NMT2: variants seen among roughly 807,000 people sequenced by gnomAD.
NMT2 encodes glycylpeptide N-tetradecanoyltransferase 2.
In NMT2, 35 loss-of-function variants were observed where a neutral mutation model predicts 65.4. The ratio of observed to expected loss-of-function variants is 0.54; its 90% confidence interval spans 0.41 to 0.71. The LOEUF (loss-of-function observed/expected upper bound fraction) is 0.71, where lower values mean the gene tolerates loss of function less well. NMT2 is among the 30% of genes least tolerant of loss of function. The pLI is 0.00. For synonymous variants in NMT2, 226 were observed against 231.8 expected, an observed-to-expected ratio of 0.98 and a Z score of 0.23; for missense variants, 489 against 611.3, an observed-to-expected ratio of 0.80 and a Z score of 2.11.
chr10:15,156,318 C>T (rs1161086443), intron 1 of NMT2, among the ~76,000 whole-genome samples: 3 of 152,150 alleles, frequency 2.0e-5, no homozygotes, highest in African/African-American at 7.2e-5. Flanking sequence ...ATTCTTCTCT[C>T]TCCTGCCACC....
At position 15,119,396 on chromosome 10, in the gene NMT2, C is replaced by T; in HGVS notation, c.1117G>A (p.Val373Ile). The change falls in exon 9 of 12, where the codon GTA (valine) becomes ATA (isoleucine). Residue 373 changes from valine (V) to isoleucine (I), a missense_variant. Val to Ile is a conservative substitution (Grantham distance 29, BLOSUM62 3). Transcript: ENST00000378165. ...TCCCGGGGGAGGAACCAGTGGGCTA[C>T]TTCCTCTTCATCCATCACTGGAGCC... Reference protein sequence around the residue: ...HLAPVMDEEEVAHWFLPREHI... With the variant: ...HLAPVMDEEEIAHWFLPREHI... 6.2e-7 allele frequency: 1 copy of T among 1,614,178 alleles called. No individual in the cohort carries two copies. The highest frequency in any genetic ancestry group is 1.1e-5 in the South Asian group (1 of 91,078).
chr10:15,136,479 G>A (rs1182238013), intron 2 of NMT2, among the ~76,000 whole-genome samples: 1 of 151,152 alleles, frequency 6.6e-6, no homozygotes, highest in Non-Finnish European at 1.5e-5. Context: ...AGGAAAGGAG[G>A]AAGGAAGGAC....
At chr10:15,161,836 CT>C (rs1184415648) in intron 1 of NMT2, among the ~76,000 whole-genome samples, 1 of 152,024 alleles carries the variant, frequency 6.6e-6, no homozygotes, top group African/African-American at 2.4e-5. Context: ...TCAATTAAAC[CT>C]AGGAAATGAA....
chr10:15,109,299 A>G (rs1845425061), intron 11 of NMT2, 84 bp from the exon 12 acceptor site: 1 of 1,530,216 alleles, frequency 6.5e-7, no homozygotes, highest in Non-Finnish European at 8.8e-7. Flanking sequence ...AAGCTGTCTT[A>G]AGGCTCAGCT....
chr10:15,166,465 CTACTGCGATATCA>C (rs1353130128), intron 1 of NMT2, among the ~76,000 whole-genome samples: 7 of 152,214 alleles, frequency 4.6e-5, no homozygotes, highest in African/African-American at 1.7e-4. Flanking sequence ...ACCTAGGTTT[CTACTGCGATATCA>C]TCAGTACATG....
At chr10:15,114,148 A>C (rs982111976) in intron 9 of NMT2, among the ~76,000 whole-genome samples, 2 of 152,228 alleles carry the variant, frequency 1.3e-5, no homozygotes, top group African/African-American at 4.8e-5. Flanking sequence ...TTAGCAGCTC[A>C]GTATTGGAGA....
At position 15,130,983 on chromosome 10, in the gene NMT2, T is replaced by A. The variant is rs150851404; in HGVS notation, c.720-671A>T. Among the ~76,000 whole-genome samples, 497 of 151,932 alleles carry A rather than the reference T, an allele frequency of 3.3e-3. 7 individuals are homozygous for A. The East Asian group carries it at 0.061, about 19-fold the overall frequency. On this transcript the variant is annotated intron_variant, in intron 6 of 11. Coordinates refer to ENST00000378165, the MANE Select transcript of NMT2 (RefSeq NM_004808.3). The stretch of plus-strand genomic sequence containing the variant: ...TTTTGTATTTTTAGTAAAGACAGGG[T>A]TTCACCATGTTGGCTACGCTGGTCT...
chr10:15,114,446 A>G (rs1845677816), intron 9 of NMT2, among the ~76,000 whole-genome samples: 2 of 152,106 alleles, frequency 1.3e-5, no homozygotes. Context: ...CTGATAAAAA[A>G]CAAAACAAAA....
At chr10:15,155,847 T>G (rs1035996944) in intron 1 of NMT2, among the ~76,000 whole-genome samples, 3 of 152,100 alleles carry the variant, frequency 2.0e-5, no homozygotes, top group South Asian at 2.1e-4. Context: ...AAGGGTCACT[T>G]GACCACAAGC....
chr10:15,111,019 C>T (rs1356452915), intron 10 of NMT2, among the ~76,000 whole-genome samples: 5 of 151,874 alleles, frequency 3.3e-5, no homozygotes, highest in Admixed American at 6.6e-5. Flanking sequence ...TCTTGAACTC[C>T]GACCTCAAGT....
chr10:15,114,104 G>T (rs1483402690), intron 9 of NMT2, among the ~76,000 whole-genome samples: 2 of 152,140 alleles, frequency 1.3e-5, no homozygotes, highest in South Asian at 2.1e-4. Context: ...GAAACTAAAG[G>T]GGTTAATCTA....
rs766128761 is a variant in NMT2 at position 15,141,568 on chromosome 10, T to C, written c.111-11A>G. ...TACCCTCCAGGACTTCTGCAGGAAA[T>C]GCAAAGATGGTGAAACCAACCAACA... On this transcript the variant is annotated splice_polypyrimidine_tract_variant and intron_variant, in intron 1 of 11. Transcript: ENST00000378165. The C allele has an allele frequency of 3.1e-6, 5 of 1,601,368 alleles. No individual in the cohort carries two copies. The African/African-American group carries it at 4.0e-5, about 13-fold the overall frequency.
intron 1 of NMT2, among the ~76,000 whole-genome samples, chr10:15,163,525 A>T (rs1355119063): frequency 6.6e-6 from 1 of 152,240 alleles, no homozygotes; most frequent in Non-Finnish European, 1.5e-5. Flanking sequence ...CCTCAGGCAA[A>T]GACTGTCGTT....
At chr10:15,163,350 A>G (rs929122071) in intron 1 of NMT2, among the ~76,000 whole-genome samples, 2 of 152,256 alleles carry the variant, frequency 1.3e-5, no homozygotes, top group African/African-American at 4.8e-5. Flanking sequence ...ATAGATGTAT[A>G]ACGTACATTT....
At chr10:15,117,130 A>T (rs1845772373) in intron 9 of NMT2, among the ~76,000 whole-genome samples, 1 of 152,246 alleles carries the variant, frequency 6.6e-6, no homozygotes. Flanking sequence ...GATATCTCTC[A>T]TGAACTCAAC....
In NMT2 at chr10:15,128,341, C is replaced by T. The variant is rs1846166450; in HGVS notation, c.999+9G>A. 1 of 1,464,676 alleles carries T rather than the reference C, an allele frequency of 6.8e-7. No homozygotes were observed. Among genetic ancestry groups the T allele is most frequent in the Admixed American group, 1.7e-5 (1 of 59,010 alleles). The allele number at this position is 1,464,676 out of a possible 1,614,324, so 90.7% of individuals were successfully genotyped here. A position where few individuals can be genotyped will look rare whatever the true frequency, so the allele number is the denominator to read the frequency against. On this transcript the variant is annotated intron_variant, in intron 8 of 11. Coordinates refer to ENST00000378165, the MANE Select transcript of NMT2 (RefSeq NM_004808.3). ...CAGCTTCAAAAAACTGCAAATCATT[C>T]TTACTTACATCTGGAAGTCTGTATA...
chr10:15,166,874 C>T (rs1833394615), intron 1 of NMT2, among the ~76,000 whole-genome samples: 3 of 152,116 alleles, frequency 2.0e-5, no homozygotes, highest in Non-Finnish European at 1.5e-5. Flanking sequence ...ATTCTTTGTA[C>T]CAGGGGCATT....
At position 15,108,799 on chromosome 10, in the gene NMT2, A is replaced by C; in HGVS notation, c.*396T>G. ...ACATGGACAAATGTACCATCACTTAAGAAACAGAAATGCAGCAATTTCTCT... is the reference window on the plus strand; with the variant it reads ...ACATGGACAAATGTACCATCACTTACGAAACAGAAATGCAGCAATTTCTCT... On this transcript the variant is annotated 3_prime_UTR_variant, in exon 12 of 12. Transcript: ENST00000378165. The C allele has an allele frequency of 9.6e-7, 1 of 1,038,412 alleles. No individual in the cohort carries two copies. The highest frequency in any genetic ancestry group is 3.4e-5 in the South Asian group (1 of 29,260). 64.3% of individuals were successfully genotyped at this position (1,038,412 alleles called of 1,614,324 possible).
chr10:15,141,886 G>A (rs545828082), intron 1 of NMT2, among the ~76,000 whole-genome samples: 6 of 152,262 alleles, frequency 3.9e-5, no homozygotes, highest in East Asian at 1.9e-4. Flanking sequence ...GTCAGCTTTC[G>A]GGAGGAGAGA....
Sources: allele counts gnomAD v4.1 joint callset (sites outside exome capture counted in the v4.1 genomes callset), GRCh38; gene constraint gnomAD v4.1.1; transcripts MANE v1.5; gene names NCBI Gene and HGNC (gene_info 2026-07-23, HGNC 2026-07-21).